CYTH1: variants seen among roughly 807,000 people sequenced by gnomAD.
CYTH1 encodes cytohesin 1, also known as cytohesin-1.
A neutral mutation model predicts 61.8 loss-of-function variants in CYTH1; 18 were observed. The observed-to-expected ratio is 0.29, with a 90% CI of 0.20 to 0.43. The LOEUF is 0.43. Among genes scored for constraint, CYTH1 ranks in the 20% least tolerant of loss-of-function variants. CYTH1 has a pLI of 1.00. For synonymous variants in CYTH1, 174 were observed against 184.3 expected, an observed-to-expected ratio of 0.94 and a Z score of 0.45; for missense variants, 336 against 510.5, an observed-to-expected ratio of 0.66 and a Z score of 3.29.
chr17:78,781,162 T>C (rs1022853378), intron 1 of CYTH1, among the ~76,000 whole-genome samples: 52 of 149,076 alleles, frequency 3.5e-4, no homozygotes, highest in African/African-American at 1.2e-3. Context: ...GAGCGAGATC[T>C]CGTCTCTTAA....
chr17:78,744,423 T>C (rs1483369331), intron 1 of CYTH1, among the ~76,000 whole-genome samples: 3 of 152,158 alleles, frequency 2.0e-5, no homozygotes, highest in African/African-American at 7.2e-5. Flanking sequence ...GGAGACAGCT[T>C]AGGGCATACA....
intron 1 of CYTH1, among the ~76,000 whole-genome samples, chr17:78,725,039 C>T (rs577203629): frequency 6.6e-6 from 1 of 152,258 alleles, no homozygotes; most frequent in South Asian, 2.1e-4. Context: ...GCAACACGTC[C>T]CTGGGCCCCT....
At chr17:78,685,761 CAT>C (rs946283901) in intron 11 of CYTH1, among the ~76,000 whole-genome samples, 8 of 152,108 alleles carry the variant, frequency 5.3e-5, no homozygotes, top group Admixed American at 1.3e-4. Context: ...CCGCATTTCA[CAT>C]GTTTTCTTCA....
intron 3 of CYTH1, among the ~76,000 whole-genome samples, chr17:78,707,157 C>A (rs147197193): frequency 2.2e-4 from 34 of 152,304 alleles, no homozygotes; most frequent in African/African-American, 7.9e-4. Context: ...GGTGAGCTGG[C>A]TGCCTTCTGT....
intron 11 of CYTH1, among the ~76,000 whole-genome samples, chr17:78,685,257 G>A (rs1399205610): frequency 2.0e-5 from 3 of 146,982 alleles, no homozygotes; most frequent in Admixed American, 6.8e-5. Flanking sequence ...AATACAACAT[G>A]CTTCCATTTT....
intron 1 of CYTH1, among the ~76,000 whole-genome samples, chr17:78,755,501 A>AAAAAAT (rs1290409161): frequency 6.6e-6 from 1 of 151,718 alleles, no homozygotes; most frequent in African/African-American, 2.4e-5. Context: ...TAAAAAAAAA[A>AAAAAAT]AAAAGGAAAG....
rs148819235 is a variant in CYTH1, at chr17:78,766,531, T to C, written c.22+15671A>G. ...CTAAACTAAATGCTACCCGGGGGAT[T>C]AAGGAAAAAGATACTGCCTTTACTG... On this transcript the variant is annotated intron_variant, in intron 1 of 13. Transcript: ENST00000446868. 1.1e-3 allele frequency among the ~76,000 whole-genome samples: 161 copies of C among 152,232 alleles called. 1 individual carries two copies. The highest frequency in any genetic ancestry group is 3.7e-3 in the African/African-American group (154 of 41,540).
At chr17:78,691,017 T>A (rs1471544336) in intron 11 of CYTH1, among the ~76,000 whole-genome samples, 1 of 152,156 alleles carries the variant, frequency 6.6e-6, no homozygotes, top group East Asian at 1.9e-4. Flanking sequence ...ACAGAAAAAA[T>A]TGTACCAAGA....
intron 11 of CYTH1, 52 bp from the exon 12 acceptor site, chr17:78,681,094 ACT>A (rs766160657): frequency 2.6e-5 from 41 of 1,573,804 alleles, no homozygotes; most frequent in Admixed American, 3.6e-5. Flanking sequence ...AAGGACACAC[ACT>A]GTCAGATTCC....
At chr17:78,683,778 C>G (rs1722898923) in intron 11 of CYTH1, among the ~76,000 whole-genome samples, 1 of 152,228 alleles carries the variant, frequency 6.6e-6, no homozygotes, top group Non-Finnish European at 1.5e-5. Context: ...AACAGCTGGT[C>G]TGTTTCCTAA....
intron 8 of CYTH1, 44 bp downstream of exon 8, chr17:78,698,776 G>T: frequency 6.5e-7 from 1 of 1,529,586 alleles, no homozygotes; most frequent in Non-Finnish European, 8.7e-7. Context: ...TGTTCCCAGT[G>T]AACTCTTTCT....
In CYTH1 at chr17:78,708,411, A is replaced by G. The variant is rs989690252; in HGVS notation, c.106-150T>C. ...AAAATGCAAAAAGTAAATTAGGAAA[A>G]TTCATGTTTCAGAAATATTTATTGA... On this transcript the variant is annotated intron_variant, in intron 2 of 13. Transcript: ENST00000446868. The G allele has an allele frequency of 1.9e-5, 14 of 735,854 alleles. No individual in the cohort carries two copies. In the African/African-American group the frequency reaches 2.3e-4, roughly 12 times the overall value. 45.6% of individuals were successfully genotyped at this position (735,854 alleles called of 1,614,324 possible).
chr17:78,754,985 T>C (rs975466707), intron 1 of CYTH1, among the ~76,000 whole-genome samples: 4 of 151,976 alleles, frequency 2.6e-5, no homozygotes, highest in Admixed American at 6.6e-5. Flanking sequence ...TGAAAACATA[T>C]CCACATAATG....
intron 11 of CYTH1, among the ~76,000 whole-genome samples, chr17:78,687,084 A>G (rs2092824343): frequency 6.6e-6 from 1 of 152,032 alleles, no homozygotes; most frequent in African/African-American, 2.4e-5. Context: ...CCCAGCCTAC[A>G]TTACATTTAT....
intron 1 of CYTH1, among the ~76,000 whole-genome samples, chr17:78,746,669 T>A (rs568215650): frequency 6.6e-6 from 1 of 152,212 alleles, no homozygotes; most frequent in Admixed American, 6.5e-5. Context: ...AGGCCAGGTG[T>A]GATGGCTCGT....
At chr17:78,721,342 T>C (rs2093226939) in intron 1 of CYTH1, among the ~76,000 whole-genome samples, 1 of 152,098 alleles carries the variant, frequency 6.6e-6, no homozygotes, top group South Asian at 2.1e-4. Context: ...AAAATAAAAA[T>C]AAAAAAATTT....
chr17:78,702,797 T>C (rs2093026065), intron 3 of CYTH1, among the ~76,000 whole-genome samples, 193 bp from the exon 4 acceptor site: 1 of 152,154 alleles, frequency 6.6e-6, no homozygotes, highest in South Asian at 2.1e-4. Context: ...CCAAGCTCAT[T>C]TGCTCCTTCT....
intron 13 of CYTH1, among the ~76,000 whole-genome samples, chr17:78,679,601 T>C (rs774820522): frequency 1.1e-4 from 16 of 152,206 alleles, no homozygotes; most frequent in African/African-American, 3.4e-4. Context: ...AGCCCCGTGA[T>C]AGACCTTACA....
chr17:78,763,057 CTT>C (rs984688965), intron 1 of CYTH1, among the ~76,000 whole-genome samples: 2 of 152,216 alleles, frequency 1.3e-5, no homozygotes, highest in African/African-American at 4.8e-5. Flanking sequence ...CAAAAAAAGA[CTT>C]TTGGCCAGGC....
Sources: allele counts gnomAD v4.1 joint callset (sites outside exome capture counted in the v4.1 genomes callset), GRCh38; gene constraint gnomAD v4.1.1; transcripts MANE v1.5; gene names NCBI Gene and HGNC (gene_info 2026-07-23, HGNC 2026-07-21).